The following BMPR1A variants were observed in gnomAD, a reference collection of about 807,000 sequenced individuals.
BMPR1A encodes the protein bone morphogenetic protein receptor type 1A, also known as bone morphogenetic protein receptor type-1A.
Under a neutral mutation model 66.0 loss-of-function variants are expected in BMPR1A, and 7 were observed. The observed-to-expected ratio is 0.11, with a 90% CI of 0.06 to 0.20. The LOEUF (loss-of-function observed/expected upper bound fraction) is 0.20. Ranked by LOEUF, BMPR1A falls within the 10% of genes least tolerant of loss-of-function variation. The probability of loss-of-function intolerance (pLI) is 1.00; values close to 1 mark genes in which losing one functional copy is unlikely to be tolerated. For missense variants in BMPR1A, 408 were observed against 669.1 expected (o/e 0.61, Z 4.31); for synonymous variants, 200 against 229.7 (o/e 0.87, Z 1.17).
upstream of BMPR1A, chr10:86,756,191 G>A (rs1253507784): frequency 6.6e-6 from 1 of 152,174 alleles, no homozygotes; most frequent in African/African-American, 2.4e-5. Context: ...GGGCGTCCAG[G>A]GCGCCGATGG....
downstream of BMPR1A, chr10:86,930,774 G>A (rs182641386): frequency 2.0e-5 from 3 of 152,224 alleles, no homozygotes; most frequent in Non-Finnish European, 2.9e-5. Flanking sequence ...CTGTCACCCA[G>A]GCTAGTGTGC....
At position 86,890,108 on chromosome 10, in the gene BMPR1A, C is replaced by G. The variant is rs1021443408; in HGVS notation, c.114C>G (p.Asp38Glu). 3.1e-6 allele frequency: 5 copies of G among 1,613,848 alleles called. No individual in the cohort carries two copies. The highest frequency in any genetic ancestry group is 4.2e-6 in the Non-Finnish European group (5 of 1,180,008). ...SMLHGTGMKS[D>E]SDQKKSENGV... Reference sequence around the variant, plus strand: ...TTCATGGCACTGGGATGAAATCAGACTCCGACCAGAAAAAGTCAGAAAATG... The same window carrying G: ...TTCATGGCACTGGGATGAAATCAGAGTCCGACCAGAAAAAGTCAGAAAATG... Residue 38 changes from aspartate to glutamate, a missense_variant, in exon 4 of 13, where the codon GAC (aspartate) becomes GAG (glutamate). By Grantham distance (45) the Asp-to-Glu change is conservative. Around this residue, in one of 5 missense-constraint regions of BMPR1A, gnomAD observed 68 missense variants for 83.0 expected, o/e 0.82. Transcript: ENST00000372037.
downstream of BMPR1A, chr10:86,932,593 T>C (rs1402664638): frequency 2.0e-5 from 3 of 152,264 alleles, no homozygotes; most frequent in East Asian, 5.8e-4. Context: ...CCCTACTGCA[T>C]TCATCCACGT....
At chr10:86,867,117 ACTG>A (rs1446542182) in intron 2 of BMPR1A, among the ~76,000 whole-genome samples, 5 of 152,082 alleles carry the variant, frequency 3.3e-5, no homozygotes, top group Non-Finnish European at 5.9e-5. Flanking sequence ...ACCACATTAA[ACTG>A]TTTTTTTCTC....
At chr10:86,774,770 T>G (rs1409897574) in intron 1 of BMPR1A, among the ~76,000 whole-genome samples, 2 of 152,220 alleles carry the variant, frequency 1.3e-5, no homozygotes, top group Admixed American at 1.3e-4. Flanking sequence ...TGATTTGACC[T>G]TAGGGATTAT....
intron 6 of BMPR1A, 32 bp from the exon 7 acceptor site, chr10:86,899,995 C>G: frequency 2.5e-6 from 4 of 1,612,586 alleles, no homozygotes; most frequent in Non-Finnish European, 3.4e-6. Context: ...TTTTTCATTT[C>G]AATTGTTTAC....
intron 5 of BMPR1A, among the ~76,000 whole-genome samples, chr10:86,896,758 A>C (rs1843229246): frequency 6.6e-6 from 1 of 152,254 alleles, no homozygotes; most frequent in Admixed American, 6.5e-5. Context: ...GAAATTATTA[A>C]TATATTGCAG....
intron 2 of BMPR1A, among the ~76,000 whole-genome samples, chr10:86,875,244 A>T (rs952395879): frequency 6.6e-6 from 1 of 151,826 alleles, no homozygotes; most frequent in African/African-American, 2.4e-5. Context: ...GTGGTGGTGC[A>T]CACCTGTAAT....
intron 3 of BMPR1A, among the ~76,000 whole-genome samples, chr10:86,884,056 G>C (rs755373477): frequency 6.6e-6 from 1 of 151,722 alleles, no homozygotes; most frequent in Non-Finnish European, 1.5e-5. Flanking sequence ...TGTATTTTTA[G>C]TAGGGTTTCG....
At chr10:86,889,746 A>C (rs1409826540) in intron 3 of BMPR1A, 4 of 276,120 alleles carry the variant, frequency 1.4e-5, no homozygotes, top group African/African-American at 9.0e-5. Context: ...TAAATTAAAA[A>C]ATTTTTAAGT....
intron 3 of BMPR1A, among the ~76,000 whole-genome samples, chr10:86,883,871 CTTT>C (rs111255462): frequency 3.7e-5 from 5 of 135,254 alleles, no homozygotes; most frequent in South Asian, 2.3e-4. Context: ...GAGCGTATGA[CTTT>C]TTTTTTTTTT....
chr10:86,868,496 C>T (rs1410282427), intron 2 of BMPR1A, among the ~76,000 whole-genome samples: 1 of 152,212 alleles, frequency 6.6e-6, no homozygotes, highest in Non-Finnish European at 1.5e-5. Flanking sequence ...GCAGAGCAGC[C>T]ATGCGAACAA....
chr10:86,919,086 G>A lies in BMPR1A; in HGVS notation c.869-86G>A, dbSNP rs1162155641. On this transcript the variant is annotated intron_variant, in intron 9 of 12. Transcript: ENST00000372037. ...TTCACTATCTGCACATGATACCTAA[G>A]TTTTTCTCAGTATCCAGAATGAGCA... 28 of 1,509,628 alleles carry A rather than the reference G, an allele frequency of 1.9e-5. No individual in the cohort carries two copies. The Middle Eastern group carries it at 5.1e-4, about 27-fold the overall frequency. 93.5% of individuals were successfully genotyped at this position (1,509,628 alleles called of 1,614,324 possible).
At chr10:86,802,064 A>G (rs909498332) in intron 1 of BMPR1A, among the ~76,000 whole-genome samples, 1 of 151,880 alleles carries the variant, frequency 6.6e-6, no homozygotes, top group Admixed American at 6.6e-5. Flanking sequence ...TCCTCAGGCC[A>G]TTTTTGTCTG....
At chr10:86,758,681 C>G (rs1319054072) in intron 1 of BMPR1A, among the ~76,000 whole-genome samples, 2 of 152,228 alleles carry the variant, frequency 1.3e-5, no homozygotes, top group African/African-American at 4.8e-5. Flanking sequence ...TAGTCATTCA[C>G]AATCCATCTC....
chr10:86,759,218 A>G (rs1052050779), intron 1 of BMPR1A, among the ~76,000 whole-genome samples: 5 of 152,116 alleles, frequency 3.3e-5, no homozygotes, highest in African/African-American at 1.2e-4. Flanking sequence ...GTGACATTAT[A>G]CTGACTTTGT....
At chr10:86,854,316 G>T (rs1278747437) in intron 2 of BMPR1A, among the ~76,000 whole-genome samples, 1 of 152,054 alleles carries the variant, frequency 6.6e-6, no homozygotes, top group Non-Finnish European at 1.5e-5. Flanking sequence ...TACAATTTGT[G>T]CAGTTAACGC....
At chr10:86,771,509 G>T (rs1219100632) in intron 1 of BMPR1A, among the ~76,000 whole-genome samples, 1 of 152,190 alleles carries the variant, frequency 6.6e-6, no homozygotes, top group African/African-American at 2.4e-5. Context: ...TAAGGCTGCA[G>T]AGGTTAAGTA....
intron 1 of BMPR1A, among the ~76,000 whole-genome samples, chr10:86,778,072 ATG>A (rs1841381255): frequency 6.6e-6 from 1 of 152,026 alleles, no homozygotes; most frequent in Non-Finnish European, 1.5e-5. Flanking sequence ...GTTGACATAA[ATG>A]TACATATTTA....
Sources: gnomAD v4.1 joint callset for allele counts (sites outside exome capture counted in the v4.1 genomes callset) on GRCh38, gnomAD v4.1.1 for gene constraint, gnomAD v4.1.1 regional missense constraint, MANE v1.5 for transcripts, NCBI Gene and HGNC (gene_info 2026-07-23, HGNC 2026-07-21) for gene names.